The following PSME4 variants were observed in gnomAD, a reference collection of about 807,000 sequenced individuals.
PSME4 encodes the protein proteasome activator complex subunit 4.
In PSME4, 89 loss-of-function variants were observed where a neutral mutation model predicts 253.9. The observed-to-expected ratio is 0.35, with a 90% CI of 0.30 to 0.42. The LOEUF is 0.42. Among genes scored for constraint, PSME4 ranks in the 10% least tolerant of loss-of-function variants. PSME4 has a pLI of 1.00. For missense variants in PSME4, 2,014 were observed against 2,195.2 expected (o/e 0.92, Z 1.65); for synonymous variants, 851 against 759.2 (o/e 1.12, Z -1.99).
intron 37 of PSME4, among the ~76,000 whole-genome samples, chr2:53,889,672 CA>C (rs1207750734): frequency 6.6e-6 from 1 of 152,186 alleles, no homozygotes; most frequent in Non-Finnish European, 1.5e-5. Flanking sequence ...TATCTTCAAT[CA>C]AAGTACACGA....
chr2:53,923,961 T>C (rs1280908296), intron 14 of PSME4, among the ~76,000 whole-genome samples: 1 of 149,716 alleles, frequency 6.7e-6, no homozygotes, highest in African/African-American at 2.5e-5. Context: ...GTACAAGATT[T>C]CACTTGCCAC....
intron 13 of PSME4, 99 bp from the exon 14 acceptor site, chr2:53,925,788 GA>G: frequency 7.5e-7 from 1 of 1,332,608 alleles, no homozygotes; most frequent in East Asian, 2.3e-5. Flanking sequence ...TTATTCAAGT[GA>G]TAGCTACTTA....
At position 53,923,339 on chromosome 2, in the gene PSME4, C is replaced by T. The variant is rs1218054363; in HGVS notation, c.1890G>A (p.Met630Ile). The T allele has an allele frequency of 6.2e-7, 1 of 1,607,724 alleles. No homozygotes were observed. Among genetic ancestry groups the T allele is most frequent in the Non-Finnish European group, 8.5e-7 (1 of 1,178,448 alleles). The change falls in exon 15 of 47, where the codon ATG becomes ATA. Residue 630 changes from methionine to isoleucine, a missense_variant. Around this residue, in one of 4 missense-constraint regions of PSME4, gnomAD observed 989 missense variants for 1,021.1 expected, o/e 0.97. Transcript: ENST00000404125. Reference protein sequence around the residue: ...TRVAGRMVADMCRAAVKCCPE... With the variant: ...TRVAGRMVADICRAAVKCCPE... ...AACTCACCTTTACAGCAGCGCGGCA[C>T]ATGTCTGCCACCATGCGACCTGCTA...
chr2:53,944,375 G>C (rs1669604699), intron 3 of PSME4, among the ~76,000 whole-genome samples: 4 of 152,132 alleles, frequency 2.6e-5, no homozygotes, highest in Admixed American at 2.6e-4. Context: ...GGCCAGGCTG[G>C]TCTCAAACTC....
At chr2:53,923,196 G>A (rs1668401077) in intron 15 of PSME4, 78 bp from the exon 16 acceptor site, 4 of 1,476,184 alleles carry the variant, frequency 2.7e-6, no homozygotes, top group Non-Finnish European at 3.7e-6. Context: ...GGCAGTAAAA[G>A]GCTGTAAATA....
At chr2:53,916,099 T>C (rs759461078) in intron 20 of PSME4, among the ~76,000 whole-genome samples, 1 of 151,774 alleles carries the variant, frequency 6.6e-6, no homozygotes, top group Non-Finnish European at 1.5e-5. Flanking sequence ...ATACAAAAAT[T>C]AGCTGCGTGT....
intron 44 of PSME4, among the ~76,000 whole-genome samples, chr2:53,869,112 T>G (rs1342719936): frequency 6.6e-6 from 1 of 152,234 alleles, no homozygotes; most frequent in Non-Finnish European, 1.5e-5. Flanking sequence ...TTTATGAAGC[T>G]ATTCTGGGCG....
intron 3 of PSME4, among the ~76,000 whole-genome samples, chr2:53,944,285 G>C (rs1254420099): frequency 1.3e-5 from 2 of 151,900 alleles, no homozygotes; most frequent in Non-Finnish European, 2.9e-5. Context: ...CAGCCTCCTG[G>C]GTAGCTGGGA....
chr2:53,937,282 A>G, intron 5 of PSME4, 109 bp downstream of exon 5: 1 of 1,066,476 alleles, frequency 9.4e-7, no homozygotes. Flanking sequence ...GAAGTACAAT[A>G]ATGGCTGAAC....
At chr2:53,876,171 A>T (rs1679109951) in intron 41 of PSME4, among the ~76,000 whole-genome samples, 1 of 152,232 alleles carries the variant, frequency 6.6e-6, no homozygotes, top group Non-Finnish European at 1.5e-5. Flanking sequence ...GTGTTATTAC[A>T]ACTGGTTTTT....
At chr2:53,929,869 T>C (rs560002183) in intron 10 of PSME4, among the ~76,000 whole-genome samples, 1 of 151,816 alleles carries the variant, frequency 6.6e-6, no homozygotes, top group Admixed American at 6.6e-5. Context: ...AATACAAAAA[T>C]TGGCTGGGCA....
rs149689025 is a variant in PSME4 at position 53,877,291 on chromosome 2, A to G, written c.4816-1536T>C. 2.7e-3 allele frequency among the ~76,000 whole-genome samples: 411 copies of G among 151,130 alleles called. 3 individuals are homozygous for G. Among genetic ancestry groups the G allele is most frequent in the African/African-American group, 9.4e-3 (386 of 41,140 alleles). ...AAAAATTAGCTGGGCTTGGTGCCACATGCCTATAGTCCTTGGGAGGCTGAG... is the reference window on the plus strand; with the variant it reads ...AAAAATTAGCTGGGCTTGGTGCCACGTGCCTATAGTCCTTGGGAGGCTGAG... On this transcript the variant is annotated intron_variant, in intron 41 of 46. Coordinates refer to ENST00000404125, the MANE Select transcript of PSME4 (RefSeq NM_014614.3).
Position 53,936,906 on chromosome 2 carries a change from A to T in PSME4, c.696-79T>A, listed in dbSNP as rs866262428. On this transcript the variant is annotated intron_variant, in intron 5 of 46. Coordinates refer to ENST00000404125, the MANE Select transcript of PSME4 (RefSeq NM_014614.3). ...GCCAGCTATGCTTTGTCTTTTTTAT[A>T]ATCTATTATTCTTACTGATAACTAC... The T allele has an allele frequency of 4.5e-5, 44 of 968,580 alleles. No homozygotes were observed. The African/African-American group carries it at 6.6e-4, about 15-fold the overall frequency. 60.0% of individuals were successfully genotyped at this position (968,580 alleles called of 1,614,324 possible). A position where few individuals can be genotyped will look rare whatever the true frequency, so the allele number is the denominator to read the frequency against.
rs760278052 is a variant in PSME4, at chr2:53,921,065, C to G, written c.2086G>C (p.Glu696Gln). Residue 696 changes from glutamate to glutamine, a missense_variant, in exon 18 of 47, where the codon GAG becomes CAG. Coordinates refer to ENST00000404125, the MANE Select transcript of PSME4 (RefSeq NM_014614.3). ...VDGRKLLLYR[E>Q]QLVKILQRTL... is the part of the protein sequence containing the mutation. ...CTTTGGAGAATCTTTACAAGCTGCTCCCTATAAAGAAGCAACTTCCTTCCA... is the reference window on the plus strand; with the variant it reads ...CTTTGGAGAATCTTTACAAGCTGCTGCCTATAAAGAAGCAACTTCCTTCCA... 15 of 1,613,902 alleles carry G rather than the reference C, an allele frequency of 9.3e-6. No individual in the cohort carries two copies. Among genetic ancestry groups the G allele is most frequent in the Non-Finnish European group, 1.3e-5 (15 of 1,179,982 alleles).
intron 29 of PSME4, 26 bp from the exon 30 acceptor site, chr2:53,898,380 T>C: frequency 6.7e-7 from 1 of 1,493,372 alleles, no homozygotes; most frequent in Non-Finnish European, 9.2e-7. Flanking sequence ...GAGGTATTAT[T>C]TTACTATAAT....
At chr2:53,891,684 C>G (rs1409285513) in intron 36 of PSME4, among the ~76,000 whole-genome samples, 3 of 151,852 alleles carry the variant, frequency 2.0e-5, no homozygotes, top group Admixed American at 6.6e-5. Context: ...CATGGAGAAA[C>G]CCTGCCTCTA....
chr2:53,868,518 TTATAA>T (rs1173812363), intron 44 of PSME4, among the ~76,000 whole-genome samples: 6 of 59,520 alleles, frequency 1.0e-4, no homozygotes, highest in Admixed American at 4.2e-4. Context: ...TAAAATATAT[TTATAA>T]TATATATAAT....
intron 31 of PSME4, 97 bp from the exon 32 acceptor site, chr2:53,896,982 T>TA (rs962615067): frequency 4.6e-5 from 42 of 912,380 alleles, no homozygotes; most frequent in Non-Finnish European, 6.1e-5. Context: ...TCTGTTTCTT[T>TA]AAAAAAACAC....
In PSME4 at chr2:53,936,818, A is replaced by G. The variant is rs1442453589; in HGVS notation, c.705T>C (p.Phe235=). The change falls in exon 6 of 47, where the codon TTT becomes TTC. Residue 235 remains phenylalanine (F), a synonymous_variant. Coordinates refer to ENST00000404125, the MANE Select transcript of PSME4 (RefSeq NM_014614.3). ...ELHHKGFKLW[F]DELIGLWVSV... ...AAACCCAAAGGCCAATTAATTCATCAAACCAAAGTCTAAAGAAGAAAAATG... is the reference window on the plus strand; with the variant it reads ...AAACCCAAAGGCCAATTAATTCATCGAACCAAAGTCTAAAGAAGAAAAATG... 2 of 1,595,522 alleles carry G rather than the reference A, an allele frequency of 1.3e-6. No homozygotes were observed. The highest frequency in any genetic ancestry group is 1.7e-6 in the Non-Finnish European group (2 of 1,171,282).
Sources: allele counts gnomAD v4.1 joint callset (sites outside exome capture counted in the v4.1 genomes callset), GRCh38; gene constraint gnomAD v4.1.1; regional missense constraint gnomAD v4.1.1; transcripts MANE v1.5; gene names NCBI Gene and HGNC (gene_info 2026-07-23, HGNC 2026-07-21).